The following ERC1 variants were observed in gnomAD, a reference collection of about 807,000 sequenced individuals.
ERC1 encodes the protein RAB6 interacting protein 2.
In ERC1, 56 loss-of-function variants were observed where a neutral mutation model predicts 132.0. The ratio of observed to expected loss-of-function variants is 0.42; its 90% CI spans 0.34 to 0.53. The LOEUF (loss-of-function observed/expected upper bound fraction) is 0.53. Ranked by LOEUF, ERC1 falls within the 20% of genes least tolerant of loss-of-function variation. ERC1 has a pLI of 0.03. For synonymous variants in ERC1, 478 were observed against 476.1 expected (o/e 1.00, Z -0.05); for missense variants, 1,202 against 1,349.9 (o/e 0.89, Z 1.72).
intron 2 of ERC1, among the ~76,000 whole-genome samples, chr12:1,043,683 A>G (rs543228387): frequency 9.5e-4 from 145 of 152,308 alleles, no homozygotes; most frequent in African/African-American, 3.1e-3. Flanking sequence ...GCTTATAGTC[A>G]TTTGAGCCAA....
chr12:1,026,586 G>GTATCCACTGGACT (rs1966929038), intron 1 of ERC1, among the ~76,000 whole-genome samples: 1 of 152,194 alleles, frequency 6.6e-6, no homozygotes, highest in African/African-American at 2.4e-5. Flanking sequence ...TGGACATTAT[G>GTATCCACTGGACT]TAGTATCCAG....
intron 18 of ERC1, 194 bp downstream of exon 18, chr12:1,444,944 A>AT: frequency 3.0e-6 from 1 of 331,630 alleles, no homozygotes; most frequent in Admixed American, 4.6e-5. Context: ...TAGATTCAAG[A>AT]TTTGGGGGGT....
At chr12:1,482,561 C>T (rs2094114363) in intron 18 of ERC1, among the ~76,000 whole-genome samples, 1 of 152,094 alleles carries the variant, frequency 6.6e-6, no homozygotes, top group Non-Finnish European at 1.5e-5. Context: ...ATTCTCCTGC[C>T]TCAGCCTCCT....
chr12:1,111,197 T>C (rs1945822444), intron 5 of ERC1, among the ~76,000 whole-genome samples: 2 of 152,196 alleles, frequency 1.3e-5, no homozygotes, highest in Admixed American at 1.3e-4. Context: ...AGTCTGTGTT[T>C]ATCATCAGTC....
At chr12:1,153,251 C>T (rs1370116690) in intron 8 of ERC1, among the ~76,000 whole-genome samples, 1 of 152,244 alleles carries the variant, frequency 6.6e-6, no homozygotes, top group Non-Finnish European at 1.5e-5. Context: ...TTTCCCAAAT[C>T]AGATTAATCC....
At chr12:1,012,317 T>C (rs1220550252) in intron 1 of ERC1, among the ~76,000 whole-genome samples, 1 of 152,180 alleles carries the variant, frequency 6.6e-6, no homozygotes, top group East Asian at 1.9e-4. Context: ...ATGATATGCT[T>C]CAGACATGCA....
At chr12:1,261,341 C>G (rs2077131617) in intron 13 of ERC1, among the ~76,000 whole-genome samples, 1 of 152,148 alleles carries the variant, frequency 6.6e-6, no homozygotes, top group Non-Finnish European at 1.5e-5. Flanking sequence ...ACGTTATCAA[C>G]TTTATGTATT....
chr12:1,423,513 AACATAACTT>A (rs2092505639), intron 17 of ERC1, among the ~76,000 whole-genome samples: 1 of 152,192 alleles, frequency 6.6e-6, no homozygotes, highest in Non-Finnish European at 1.5e-5. Context: ...CATCTTAGTG[AACATAACTT>A]GTGCTCTTAA....
chr12:1,436,721 A>G (rs934020524), intron 17 of ERC1, among the ~76,000 whole-genome samples: 1 of 152,148 alleles, frequency 6.6e-6, no homozygotes, highest in Non-Finnish European at 1.5e-5. Context: ...ATCAATTTCA[A>G]TGTTTATGTG....
intron 18 of ERC1, among the ~76,000 whole-genome samples, chr12:1,477,836 T>C (rs1255438432): frequency 1.3e-5 from 2 of 152,212 alleles, no homozygotes; most frequent in African/African-American, 2.4e-5. Context: ...TTTTAAACTT[T>C]CTATGCCTGG....
intron 18 of ERC1, among the ~76,000 whole-genome samples, chr12:1,463,321 G>A (rs933416615): frequency 2.0e-5 from 3 of 152,126 alleles, no homozygotes; most frequent in Non-Finnish European, 2.9e-5. Context: ...CCTCCTGAAC[G>A]CGCCTGCACA....
intron 15 of ERC1, among the ~76,000 whole-genome samples, chr12:1,351,746 G>T (rs2085020104): frequency 1.3e-5 from 2 of 151,902 alleles, no homozygotes; most frequent in Non-Finnish European, 2.9e-5. Context: ...TTTAATACAT[G>T]CAGTGTATCA....
chr12:1,108,801 T>C (rs542833430), intron 4 of ERC1, among the ~76,000 whole-genome samples: 1 of 152,232 alleles, frequency 6.6e-6, no homozygotes, highest in Non-Finnish European at 1.5e-5. Context: ...TTCATTGTGA[T>C]ATTTTTAAAG....
intron 3 of ERC1, among the ~76,000 whole-genome samples, chr12:1,097,838 C>T (rs767803369): frequency 6.6e-6 from 1 of 151,886 alleles, no homozygotes; most frequent in Non-Finnish European, 1.5e-5. Context: ...CCTCAGCCTC[C>T]CGAGTAGCTG....
At chr12:1,473,135 C>A (rs974086503) in intron 18 of ERC1, among the ~76,000 whole-genome samples, 1 of 152,154 alleles carries the variant, frequency 6.6e-6, no homozygotes, top group African/African-American at 2.4e-5. Context: ...AAGCAGTTCT[C>A]CTGCCTCAGC....
chr12:1,431,116 C>T (rs563933898), intron 17 of ERC1, among the ~76,000 whole-genome samples: 1 of 152,100 alleles, frequency 6.6e-6, no homozygotes, highest in Non-Finnish European at 1.5e-5. Context: ...GTTCTATAAC[C>T]GCTCCGGGGA....
chr12:1,160,316 C>G (rs945995431), intron 8 of ERC1, among the ~76,000 whole-genome samples: 2 of 152,198 alleles, frequency 1.3e-5, no homozygotes, highest in Non-Finnish European at 2.9e-5. Context: ...CACAACAATT[C>G]TAAAAGCTTT....
chr12:1,479,630 GCA>G (rs2094045296), intron 18 of ERC1, among the ~76,000 whole-genome samples: 1 of 152,182 alleles, frequency 6.6e-6, no homozygotes, highest in Non-Finnish European at 1.5e-5. Context: ...CTTGTGAGAT[GCA>G]GATTCCAAAA....
At chr12:1,219,229 A>G (rs1275355559) in intron 12 of ERC1, among the ~76,000 whole-genome samples, 1 of 152,074 alleles carries the variant, frequency 6.6e-6, no homozygotes, top group Admixed American at 6.6e-5. Flanking sequence ...TAGCTACCAA[A>G]TTAATAATAT....
Sources: gnomAD v4.1 joint callset for allele counts (sites outside exome capture counted in the v4.1 genomes callset) on GRCh38, gnomAD v4.1.1 for gene constraint, MANE v1.5 for transcripts, NCBI Gene and HGNC (gene_info 2026-07-23, HGNC 2026-07-21) for gene names.